The following RP1 variants were observed in gnomAD, a reference collection of about 807,000 sequenced individuals.
RP1 encodes the protein oxygen-regulated protein 1.
Under a neutral mutation model 14.8 loss-of-function variants are expected in RP1, and 16 were observed. That is an observed-to-expected ratio of 1.08 (90% CI 0.73 to 1.65). The LOEUF (loss-of-function observed/expected upper bound fraction) is 1.65. Among genes scored for constraint, RP1 ranks in the 40% most tolerant of loss-of-function variants. RP1 has a pLI of 0.00. For synonymous variants in RP1, 876 were observed against 883.6 expected, an observed-to-expected ratio of 0.99 and a Z score of 0.15; for missense variants, 2,631 against 2,535.0, an observed-to-expected ratio of 1.04 and a Z score of -0.81.
intron 17 of RP1, among the ~76,000 whole-genome samples, chr8:54,733,849 G>A (rs1490487851): frequency 6.6e-6 from 1 of 152,172 alleles, no homozygotes; most frequent in East Asian, 1.9e-4. Flanking sequence ...GGAGTGTGAA[G>A]AAGACAGCCA....
Position 54,626,777 on chromosome 8 carries a change from T to A in RP1, c.2895T>A (p.Ser965Arg), listed in dbSNP as rs536567969. The A allele has an allele frequency of 1.9e-5, 30 of 1,613,832 alleles. No individual in the cohort carries two copies. The South Asian group carries it at 3.2e-4, about 17-fold the overall frequency. Residue 965 changes from serine to arginine, a missense_variant, in exon 4 of 4, where the codon AGT becomes AGA. Coordinates refer to ENST00000220676, the MANE Select transcript of RP1 (RefSeq NM_006269.2). ...CCCATACAAATTCTGGAAAAATAAG[T>A]AATTTTGTTATGGAAAGTAATAAGC... ...NDPHTNSGKI[S>R]NFVMESNKHI...
In RP1 at chr8:54,621,209, G is replaced by A. The variant is rs985225428; in HGVS notation, c.243G>A (p.Arg81=). ...AGGTGCCCCTCCCTTTTGGAGTGAG[G>A]AACATCAGCACCCCTCGGGGCAGGC... ...SRKVPLPFGV[R]NISTPRGRHS... The change falls in exon 2 of 4, where the codon AGG becomes AGA. Residue 81 remains arginine (R), a synonymous_variant. Transcript: ENST00000220676. 6.2e-7 allele frequency: 1 copy of A among 1,614,130 alleles called. No individual in the cohort carries two copies.
chr8:54,646,572 T>C (rs1806554001), intron 3 of RP1, among the ~76,000 whole-genome samples: 1 of 152,226 alleles, frequency 6.6e-6, no homozygotes, highest in African/African-American at 2.4e-5. Flanking sequence ...AGTTATAAAC[T>C]GAAAGATGAA....
At chr8:54,643,702 T>G in intron 3 of RP1, among the ~76,000 whole-genome samples, 1 of 152,156 alleles carries the variant, frequency 6.6e-6, no homozygotes, top group East Asian at 1.9e-4. Flanking sequence ...CTCTAAAGAC[T>G]CTAGGGGAAG....
At chr8:54,780,947 C>A (rs759538090) in intron 23 of RP1, 1 of 984,558 alleles carries the variant, frequency 1.0e-6, no homozygotes, top group African/African-American at 1.7e-5. Context: ...TATGGAAGAT[C>A]CTGTTAGACT....
At chr8:54,825,353 A>G (rs73604925) in intron 24 of RP1, among the ~76,000 whole-genome samples, 47,817 of 151,994 alleles carry the variant, frequency 0.31, 7,666 homozygotes, top group South Asian at 0.37. Context: ...GTTCTTATTC[A>G]ATACAGTGGT....
intron 24 of RP1, among the ~76,000 whole-genome samples, chr8:54,816,002 C>T (rs1327760869): frequency 1.3e-5 from 2 of 152,184 alleles, no homozygotes; most frequent in Non-Finnish European, 2.9e-5. Context: ...CTGAGCCTTA[C>T]AGATCTCTTA....
intron 7 of RP1, among the ~76,000 whole-genome samples, chr8:54,664,857 G>A (rs576031108): frequency 6.6e-6 from 1 of 152,098 alleles, no homozygotes; most frequent in Admixed American, 6.6e-5. Flanking sequence ...TGTGAGAGAA[G>A]GAGGCAAGGA....
In RP1 at chr8:54,616,406, T is replaced by G. The variant is rs1805716425; in HGVS notation, c.-13+204T>G. 2.0e-5 allele frequency among the ~76,000 whole-genome samples: 3 copies of G among 152,242 alleles called. No individual in the cohort carries two copies. In the South Asian group the frequency reaches 6.2e-4, roughly 31 times the overall value. ...GCTGATATTGAAATAGAATGGAACT[T>G]CAGTATCAGGAAATCAAGTGATTCT... On this transcript the variant is annotated intron_variant, in intron 1 of 3. Transcript: ENST00000220676.
At chr8:54,806,691 A>G (rs773770840) in intron 24 of RP1, among the ~76,000 whole-genome samples, 9 of 152,202 alleles carry the variant, frequency 5.9e-5, no homozygotes, top group Non-Finnish European at 1.2e-4. Flanking sequence ...GAATTGGAAT[A>G]TTGGTCATCA....
chr8:54,776,473 A>G (rs1810042009), intron 23 of RP1, among the ~76,000 whole-genome samples: 1 of 152,234 alleles, frequency 6.6e-6, no homozygotes, highest in Admixed American at 6.5e-5. Context: ...GTGAGCTACT[A>G]TTCTTGGCCA....
chr8:54,597,462 T>G (rs1273465147), intron 1 of RP1, among the ~76,000 whole-genome samples: 1 of 152,172 alleles, frequency 6.6e-6, no homozygotes, highest in Non-Finnish European at 1.5e-5. Context: ...GTTCTTCTCT[T>G]TATATGTTTT....
chr8:54,609,910 C>T (rs1805552173), intron 1 of RP1, among the ~76,000 whole-genome samples: 1 of 152,184 alleles, frequency 6.6e-6, no homozygotes, highest in Non-Finnish European at 1.5e-5. Flanking sequence ...TTAAATCTTC[C>T]CTTTTGACTG....
At chr8:54,667,359 T>A (rs757850831) in intron 7 of RP1, among the ~76,000 whole-genome samples, 54 of 152,220 alleles carry the variant, frequency 3.5e-4, no homozygotes, top group Non-Finnish European at 6.2e-4. Flanking sequence ...GAGAAACTGG[T>A]TTATGTCTCC....
At chr8:54,680,621 C>T (rs758478482) in intron 12 of RP1, among the ~76,000 whole-genome samples, 2 of 152,126 alleles carry the variant, frequency 1.3e-5, no homozygotes, top group African/African-American at 2.4e-5. Context: ...CCTTCTGCCT[C>T]GTATTTGAGA....
intron 1 of RP1, among the ~76,000 whole-genome samples, chr8:54,568,799 C>A (rs1336159911): frequency 1.3e-5 from 2 of 152,188 alleles, no homozygotes; most frequent in African/African-American, 4.8e-5. Flanking sequence ...ACATAGTCAC[C>A]ACAGGGGACA....
chr8:54,808,577 T>C (rs1294681395), intron 24 of RP1, among the ~76,000 whole-genome samples: 2 of 152,260 alleles, frequency 1.3e-5, no homozygotes, highest in Non-Finnish European at 2.9e-5. Flanking sequence ...AGCTAGTTGT[T>C]ACAGAGCATG....
At chr8:54,845,137 G>A (rs1811883919) in intron 25 of RP1, among the ~76,000 whole-genome samples, 12 of 152,200 alleles carry the variant, frequency 7.9e-5, no homozygotes, top group Admixed American at 7.9e-4. Flanking sequence ...TGGCCCCTGG[G>A]GTGAACTGGG....
intron 1 of RP1, among the ~76,000 whole-genome samples, chr8:54,589,557 CATT>C (rs1278407119): frequency 6.6e-6 from 1 of 151,942 alleles, no homozygotes; most frequent in East Asian, 1.9e-4. Flanking sequence ...TTTCTTGCAT[CATT>C]GTTGTTTCTG....
Sources: gnomAD v4.1 joint callset for allele counts (sites outside exome capture counted in the v4.1 genomes callset) on GRCh38, gnomAD v4.1.1 for gene constraint, MANE v1.5 for transcripts, NCBI Gene and HGNC (gene_info 2026-07-23, HGNC 2026-07-21) for gene names.